USH2A: variants seen among roughly 807,000 people sequenced by gnomAD.
The protein encoded by USH2A is Usher syndrome 2A (autosomal recessive, mild).
Under a neutral mutation model 538.9 loss-of-function variants are expected in USH2A, and 443 were observed. The ratio of observed to expected loss-of-function variants is 0.82; its 90% CI spans 0.76 to 0.89. USH2A has a LOEUF of 0.89. Among genes scored for constraint, USH2A ranks in the 40% least tolerant of loss-of-function variants. The pLI, the probability that USH2A is intolerant of heterozygous loss-of-function variation, is 0.00. For missense variants in USH2A, 6,633 were observed against 6,324.8 expected, an observed-to-expected ratio of 1.05 and a Z score of -1.65; for synonymous variants, 2,413 against 2,273.5, an observed-to-expected ratio of 1.06 and a Z score of -1.75.
At chr1:216,121,000 T>TA (rs1483793835) in intron 21 of USH2A, among the ~76,000 whole-genome samples, 11 of 152,156 alleles carry the variant, frequency 7.2e-5, no homozygotes, top group Non-Finnish European at 1.3e-4. Flanking sequence ...TAGTTTTGTT[T>TA]AAAAAAATGA....
At chr1:215,734,818 C>T (rs1162504217) in intron 60 of USH2A, among the ~76,000 whole-genome samples, 1 of 152,194 alleles carries the variant, frequency 6.6e-6, no homozygotes, top group African/African-American at 2.4e-5. Flanking sequence ...TTTGCATCTC[C>T]AACTTCATTA....
intron 50 of USH2A, among the ~76,000 whole-genome samples, chr1:215,796,407 T>C (rs1662137852): frequency 6.6e-6 from 1 of 151,644 alleles, no homozygotes; most frequent in Non-Finnish European, 1.5e-5. Context: ...ATTATTATTA[T>C]ATTTGTTATA....
At chr1:215,913,180 G>C (rs949554120) in intron 38 of USH2A, among the ~76,000 whole-genome samples, 2 of 152,124 alleles carry the variant, frequency 1.3e-5, no homozygotes, top group Admixed American at 1.3e-4. Flanking sequence ...CAGGCATCGT[G>C]CCAGGTGATG....
At chr1:215,828,791 T>C (rs932999991) in intron 47 of USH2A, among the ~76,000 whole-genome samples, 2 of 152,202 alleles carry the variant, frequency 1.3e-5, no homozygotes, top group African/African-American at 2.4e-5. Context: ...CATTTTGGAA[T>C]ACTAACAGTA....
Position 216,365,014 on chromosome 1 carries a change from A to T in USH2A, c.723T>A (p.Thr241=), listed in dbSNP as rs571744403. 2 of 1,613,754 alleles carry T rather than the reference A, an allele frequency of 1.2e-6. No homozygotes were observed. Among genetic ancestry groups the T allele is most frequent in the Non-Finnish European group, 1.7e-6 (2 of 1,179,796 alleles). The part of the protein sequence containing the change: ...EKDHTPFNAR[T]LSGSITDFAS... Reference sequence around the variant, plus strand: ...CAAAATCTGTAATTGAACCACTTAGAGTTCTTGCATTGAAAGGTGTATGAT... The same window carrying T: ...CAAAATCTGTAATTGAACCACTTAGTGTTCTTGCATTGAAAGGTGTATGAT... Residue 241 remains threonine, a synonymous_variant, in exon 4 of 72, where the codon ACT becomes ACA. Transcript: ENST00000307340.
intron 38 of USH2A, among the ~76,000 whole-genome samples, chr1:215,905,045 CAAAAT>C (rs1665599054): frequency 6.6e-6 from 1 of 151,922 alleles, no homozygotes; most frequent in Non-Finnish European, 1.5e-5. Flanking sequence ...GAAAACAAAA[CAAAAT>C]AAAACAAACG....
intron 60 of USH2A, among the ~76,000 whole-genome samples, chr1:215,741,077 TA>T (rs1482909939): frequency 6.6e-6 from 1 of 152,150 alleles, no homozygotes; most frequent in Non-Finnish European, 1.5e-5. Context: ...GCCCCATCAC[TA>T]AATATAAGCC....
chr1:215,951,094 A>G (rs558291687), intron 37 of USH2A, among the ~76,000 whole-genome samples: 91 of 152,122 alleles, frequency 6.0e-4, no homozygotes, highest in African/African-American at 2.1e-3. Flanking sequence ...GCCTTCTGCT[A>G]GCTTTTGAAT....
chr1:215,976,980 T>C (rs1290989343), intron 35 of USH2A, among the ~76,000 whole-genome samples: 1 of 140,954 alleles, frequency 7.1e-6, no homozygotes, highest in African/African-American at 2.6e-5. Flanking sequence ...ATCCACCTGG[T>C]CCAGTTTTTT....
At chr1:216,254,528 CAAACAGACAATTTA>C (rs1229188538) in intron 11 of USH2A, among the ~76,000 whole-genome samples, 1 of 152,142 alleles carries the variant, frequency 6.6e-6, no homozygotes, top group African/African-American at 2.4e-5. Context: ...AAATATGATT[CAAACAGACAATTTA>C]AAATGCCTGC....
intron 37 of USH2A, among the ~76,000 whole-genome samples, chr1:215,942,029 G>T (rs1425590479): frequency 6.6e-6 from 1 of 152,086 alleles, no homozygotes; most frequent in Non-Finnish European, 1.5e-5. Context: ...CCTGTGCTCA[G>T]GGTCTCAAAA....
intron 62 of USH2A, among the ~76,000 whole-genome samples, chr1:215,677,809 C>T (rs1252598447): frequency 6.6e-6 from 1 of 152,214 alleles, no homozygotes; most frequent in Non-Finnish European, 1.5e-5. Context: ...CTGATCTCCT[C>T]TGGCACCATG....
intron 21 of USH2A, among the ~76,000 whole-genome samples, chr1:216,123,640 A>G (rs2033181785): frequency 6.6e-6 from 1 of 152,026 alleles, no homozygotes; most frequent in African/African-American, 2.4e-5. Flanking sequence ...TTCCCACATT[A>G]TTTGTTTTTA....
chr1:216,039,480 C>T lies in USH2A; in HGVS notation c.6325+6951G>A, dbSNP rs192392300. Among the ~76,000 whole-genome samples the T allele has an allele frequency of 1.9e-4, 29 of 152,086 alleles. No homozygotes were observed. In the East Asian group the frequency reaches 5.4e-3, roughly 28 times the overall value. On this transcript the variant is annotated intron_variant, in intron 32 of 71. Coordinates refer to ENST00000307340, the MANE Select transcript of USH2A (RefSeq NM_206933.4). ...TCTTACCTGGAAATCCTCACATGCT[C>T]TGCTTTATTAATATTAGAGCTTGTA... is the stretch of plus-strand genomic sequence containing the variant.
chr1:216,230,872 TCTCA>T (rs35096810), intron 14 of USH2A, among the ~76,000 whole-genome samples: 93,781 of 145,936 alleles, frequency 0.64, 30,083 homozygotes, highest in East Asian at 0.75. Context: ...AAGCTCATAA[TCTCA>T]CTCTCTCTCT....
intron 15 of USH2A, among the ~76,000 whole-genome samples, chr1:216,215,992 C>T (rs554927927): frequency 3.3e-5 from 5 of 152,118 alleles, no homozygotes; most frequent in Admixed American, 2.0e-4. Flanking sequence ...AGAGCAGGTG[C>T]CAATATTGTC....
At chr1:216,150,199 C>T (rs953837305) in intron 21 of USH2A, among the ~76,000 whole-genome samples, 14 of 152,156 alleles carry the variant, frequency 9.2e-5, no homozygotes. Flanking sequence ...CTTGTTTACA[C>T]TGCTGGTTTA....
At chr1:216,033,701 G>T (rs1669180121) in intron 32 of USH2A, among the ~76,000 whole-genome samples, 1 of 152,016 alleles carries the variant, frequency 6.6e-6, no homozygotes, top group Non-Finnish European at 1.5e-5. Flanking sequence ...AATTAGCCAG[G>T]TGTAGTGGCA....
At position 216,180,090 on chromosome 1, in the gene USH2A, G is replaced by A. The variant is rs192711323; in HGVS notation, c.4397-4608C>T. ...ATTTGCTTTATGTTTTAGAAAACAA[G>A]TTTCTATACAAATATAAGGTGCTAT... On this transcript the variant is annotated intron_variant, in intron 20 of 71. Transcript: ENST00000307340. Among the ~76,000 whole-genome samples the A allele has an allele frequency of 1.1e-3, 161 of 152,056 alleles. 1 individual carries two copies. The highest frequency in any genetic ancestry group is 3.7e-3 in the African/African-American group (153 of 41,526).
Sources: gnomAD v4.1 joint callset for allele counts (sites outside exome capture counted in the v4.1 genomes callset) on GRCh38, gnomAD v4.1.1 for gene constraint, MANE v1.5 for transcripts, NCBI Gene and HGNC (gene_info 2026-07-23, HGNC 2026-07-21) for gene names.